CELF2: variants seen among roughly 807,000 people sequenced by gnomAD.
CELF2 encodes the protein CUG triplet repeat RNA-binding protein 2.
In CELF2, 8 loss-of-function variants were observed where a neutral mutation model predicts 62.6. The ratio of observed to expected loss-of-function variants is 0.13; its 90% CI spans 0.07 to 0.23. CELF2 has a LOEUF of 0.23. Among genes scored for constraint, CELF2 ranks in the 10% least tolerant of loss-of-function variants. The probability of loss-of-function intolerance (pLI) is 1.00; values close to 1 mark genes in which losing one functional copy is unlikely to be tolerated. For synonymous variants in CELF2, 258 were observed against 250.0 expected (o/e 1.03, Z -0.30); for missense variants, 333 against 671.0 (o/e 0.50, Z 5.56).
the CELF2 span, chr10:10,789,149 T>C: frequency 2.0e-5 from 3 of 152,302 alleles, no homozygotes; most frequent in Non-Finnish European, 2.9e-5. Flanking sequence ...TGCATTTTAA[T>C]AGACAACTTC....
At position 10,857,649 on chromosome 10, in the gene CELF2, GTATATATATATATATATATA is replaced by G. The variant is rs779543257; in HGVS notation, c.53+58846_53+58865del. On this transcript the variant is annotated intron_variant, in intron 1 of 13. Transcript: ENST00000636488. ...ATATGTGGTAAACTACATATATATA[GTATATATATATATATATATA>G]TATATATATATATTTTACCTCAATA... 1.2e-4 allele frequency among the ~76,000 whole-genome samples: 11 copies of G among 94,210 alleles called. No homozygotes were observed. In the South Asian group the frequency reaches 1.8e-3, roughly 15 times the overall value. The allele number at this position is 94,210 out of a possible 152,430, so 61.8% of individuals were successfully genotyped here.
At chr10:10,969,045 G>T (rs566948637) in intron 2 of CELF2, among the ~76,000 whole-genome samples, 1 of 152,174 alleles carries the variant, frequency 6.6e-6, no homozygotes, top group Non-Finnish European at 1.5e-5. Flanking sequence ...TTATGATTGC[G>T]ATGATGATTA....
the CELF2 span, among the ~76,000 whole-genome samples, chr10:10,564,684 A>ACG: frequency 9.5e-6 from 1 of 105,614 alleles, no homozygotes; most frequent in African/African-American, 4.6e-5. Context: ...GCACACACGC[A>ACG]CACACACACA....
chr10:11,172,230 A>G (rs1020276409), intron 2 of CELF2, among the ~76,000 whole-genome samples: 2 of 152,206 alleles, frequency 1.3e-5, no homozygotes, highest in African/African-American at 4.8e-5. Flanking sequence ...TTATGTTAAC[A>G]GAAGGCTCTG....
chr10:10,473,866 T>G, the CELF2 span, among the ~76,000 whole-genome samples: 1 of 152,086 alleles, frequency 6.6e-6, no homozygotes, highest in Non-Finnish European at 1.5e-5. Context: ...ATATCTGAGC[T>G]ATTGACTATT....
In CELF2 at chr10:10,969,905, CTTG is replaced by C. The variant is rs1441805379; in HGVS notation, c.89+49912_89+49914del. On this transcript the variant is annotated intron_variant, in intron 2 of 13. Coordinates refer to the CELF2 transcript ENST00000636488. ...TAGTTTACCAATGTACTACCTAATA[CTTG>C]TTGTTTAAACACTTAATTTGGGATG... 5.3e-5 allele frequency among the ~76,000 whole-genome samples: 8 copies of C among 152,268 alleles called. No homozygotes were observed. In the East Asian group the frequency reaches 5.8e-4, roughly 11 times the overall value.
the CELF2 span, among the ~76,000 whole-genome samples, chr10:10,582,994 A>C: frequency 6.6e-6 from 1 of 152,218 alleles, no homozygotes; most frequent in Non-Finnish European, 1.5e-5. Context: ...ACAAGCTGGA[A>C]TCTGTGCAGT....
the CELF2 span, among the ~76,000 whole-genome samples, chr10:10,676,336 T>A: frequency 2.0e-4 from 31 of 152,154 alleles, no homozygotes; most frequent in African/African-American, 7.2e-4. Flanking sequence ...AGAGTTGAAC[T>A]TTTTCCCTTC....
At chr10:10,807,943 C>G (rs948282585) in intron 1 of CELF2, among the ~76,000 whole-genome samples, 5 of 152,148 alleles carry the variant, frequency 3.3e-5, no homozygotes, top group African/African-American at 1.2e-4. Context: ...GTACCTGTCA[C>G]AGACAGTTAT....
At chr10:10,653,118 G>C in the CELF2 span, among the ~76,000 whole-genome samples, 68,321 of 151,866 alleles carry the variant, frequency 0.45, 15,821 homozygotes, top group South Asian at 0.71. Context: ...AAGAGACAAA[G>C]AAGGCCACTA....
intron 8 of CELF2, 80 bp downstream of exon 8, chr10:11,275,200 G>T: frequency 7.3e-7 from 1 of 1,369,114 alleles, no homozygotes; most frequent in Non-Finnish European, 1.0e-6. Flanking sequence ...AAGACAAGAA[G>T]CAGGGGAAGA....
chr10:10,757,203 A>T, the CELF2 span, among the ~76,000 whole-genome samples: 1 of 152,172 alleles, frequency 6.6e-6, no homozygotes, highest in Non-Finnish European at 1.5e-5. Flanking sequence ...CACACCTGTA[A>T]TCTCAGTACT....
chr10:11,136,418 G>A (rs1463836538), intron 1 of CELF2, among the ~76,000 whole-genome samples: 1 of 152,064 alleles, frequency 6.6e-6, no homozygotes, highest in Non-Finnish European at 1.5e-5. Context: ...CCTGCCCAAC[G>A]TGGCGAAACT....
chr10:11,147,314 T>C (rs2062456922), intron 1 of CELF2, among the ~76,000 whole-genome samples: 1 of 152,180 alleles, frequency 6.6e-6, no homozygotes, highest in African/African-American at 2.4e-5. Context: ...TGAGAAATTG[T>C]GGTGCCAGCA....
rs575659863 is a variant in CELF2 at position 11,246,739 on chromosome 10, G to T, written c.355-2414G>T. Among the ~76,000 whole-genome samples the T allele has an allele frequency of 6.6e-6, 1 of 152,040 alleles. No homozygotes were observed. The highest frequency in any genetic ancestry group is 2.4e-5 in the African/African-American group (1 of 41,372). ...TGGTATTCTCTGCAGTTCTGTCCTC[G>T]GCTCTCAGCTCTTTGCACCCTTCTT... is the stretch of plus-strand genomic sequence containing the variant. On this transcript the variant is annotated intron_variant, in intron 3 of 12. Coordinates refer to ENST00000633077, the MANE Select transcript of CELF2 (RefSeq NM_001326342.2). This position sits in a 1 kb window ranked among gnomAD's most constrained non-coding sequence, Gnocchi z 4.6.
At chr10:10,739,496 G>T in the CELF2 span, among the ~76,000 whole-genome samples, 1 of 152,150 alleles carries the variant, frequency 6.6e-6, no homozygotes, top group African/African-American at 2.4e-5. Flanking sequence ...AAATGGTAGA[G>T]TTCCCATATT....
chr10:10,568,253 G>A, the CELF2 span, among the ~76,000 whole-genome samples: 5 of 152,080 alleles, frequency 3.3e-5, no homozygotes, highest in South Asian at 1.0e-3. Context: ...ACTTGATATG[G>A]GTGTAAGATT....
chr10:10,871,561 A>G (rs1200426720), intron 1 of CELF2, among the ~76,000 whole-genome samples: 3 of 152,134 alleles, frequency 2.0e-5, no homozygotes, highest in African/African-American at 7.2e-5. Context: ...TGAGGAGGGC[A>G]GATCACGAGG....
the CELF2 span, among the ~76,000 whole-genome samples, chr10:10,525,110 C>T: frequency 6.6e-6 from 1 of 152,134 alleles, no homozygotes; most frequent in Non-Finnish European, 1.5e-5. Flanking sequence ...GGCATCACCT[C>T]ACAACGGGAT....
Sources: allele counts gnomAD v4.1 joint callset (sites outside exome capture counted in the v4.1 genomes callset), GRCh38; gene constraint gnomAD v4.1.1; non-coding constraint Gnocchi (gnomAD v3.1); transcripts MANE v1.5; gene names NCBI Gene and HGNC (gene_info 2026-07-23, HGNC 2026-07-21).